Variants in TLK1 observed in about 807,000 individuals in gnomAD.
TLK1 encodes the protein serine/threonine-protein kinase tousled-like 1.
Under a neutral mutation model 105.3 loss-of-function variants are expected in TLK1, and 24 were observed. That is an observed-to-expected ratio of 0.23 (90% CI 0.17 to 0.32). TLK1 has a LOEUF of 0.32. Ranked by LOEUF, TLK1 falls within the 10% of genes least tolerant of loss-of-function variation. The pLI, the probability that TLK1 is intolerant of heterozygous loss-of-function variation, is 1.00. For missense variants in TLK1, 558 were observed against 910.5 expected (o/e 0.61, Z 4.98); for synonymous variants, 321 against 310.4 (o/e 1.03, Z -0.36).
intron 1 of TLK1, among the ~76,000 whole-genome samples, chr2:171,230,151 A>G (rs1349832416): frequency 6.6e-6 from 1 of 152,250 alleles, no homozygotes; most frequent in Non-Finnish European, 1.5e-5. Context: ...AATACATTAA[A>G]TGACACTTCA....
At chr2:171,047,206 T>G (rs1488395867) in intron 10 of TLK1, among the ~76,000 whole-genome samples, 1 of 152,196 alleles carries the variant, frequency 6.6e-6, no homozygotes, top group African/African-American at 2.4e-5. Context: ...AAATGTAGAT[T>G]AGATATTTTA....
intron 13 of TLK1, among the ~76,000 whole-genome samples, chr2:171,013,344 T>TTTTTTGG (rs1685019414): frequency 7.0e-6 from 1 of 142,714 alleles, no homozygotes; most frequent in African/African-American, 2.8e-5. Context: ...TTTTTTTTTT[T>TTTTTTGG]GGAGACAAAG....
At chr2:171,005,676 T>G (rs1265969774) in intron 18 of TLK1, among the ~76,000 whole-genome samples, 1 of 152,148 alleles carries the variant, frequency 6.6e-6, no homozygotes, top group Non-Finnish European at 1.5e-5. Flanking sequence ...GAGGCTGCAA[T>G]GAACTAAGAT....
chr2:171,210,339 A>T (rs1244141843), intron 1 of TLK1, among the ~76,000 whole-genome samples: 2 of 151,828 alleles, frequency 1.3e-5, no homozygotes, highest in African/African-American at 4.8e-5. Context: ...ATGCGGCTAT[A>T]GGAGAGAATG....
At position 171,175,380 on chromosome 2, in the gene TLK1, C is replaced by T. The variant is rs182590572; in HGVS notation, c.-6+55765G>A. Among the ~76,000 whole-genome samples the T allele has an allele frequency of 3.7e-3, 555 of 151,520 alleles. 6 individuals carry two copies. Among genetic ancestry groups the T allele is most frequent in the African/African-American group, 0.012 (513 of 41,358 alleles). On this transcript the variant is annotated intron_variant, in intron 1 of 20. Transcript: ENST00000521943. ...CAGACTTTTCTTTTTTGTCATTATTCCCTAAACAATACTGTATAGCAACTA... is the reference window on the plus strand; with the variant it reads ...CAGACTTTTCTTTTTTGTCATTATTTCCTAAACAATACTGTATAGCAACTA...
chr2:170,999,712 AG>A (rs1265081629), intron 18 of TLK1, among the ~76,000 whole-genome samples: 1 of 152,192 alleles, frequency 6.6e-6, no homozygotes, highest in Non-Finnish European at 1.5e-5. Context: ...TGAACAATAT[AG>A]GGGTTGGAGG....
intron 2 of TLK1, chr2:171,091,678 G>A (rs1689236333): frequency 6.6e-6 from 1 of 152,232 alleles, no homozygotes; most frequent in Non-Finnish European, 1.5e-5. Context: ...AATCTCAAAG[G>A]AATGATATAA....
At chr2:171,056,302 C>T (rs1025120349) in intron 6 of TLK1, among the ~76,000 whole-genome samples, 169 bp downstream of exon 6, 1 of 151,906 alleles carries the variant, frequency 6.6e-6, no homozygotes, top group Admixed American at 6.6e-5. Context: ...TCCAATAGCA[C>T]CAGATAACTT....
At chr2:171,035,159 G>A (rs541527657) in intron 11 of TLK1, among the ~76,000 whole-genome samples, 2 of 152,098 alleles carry the variant, frequency 1.3e-5, no homozygotes, top group Non-Finnish European at 2.9e-5. Flanking sequence ...TGCCCAACAT[G>A]GTGAAACCTC....
intron 1 of TLK1, chr2:171,155,756 T>C (rs1157273682): frequency 6.6e-6 from 1 of 152,214 alleles, no homozygotes; most frequent in Non-Finnish European, 1.5e-5. Context: ...AGTTCCATTG[T>C]TGCTCCACTG....
At chr2:171,111,940 G>A (rs1429218964) in intron 2 of TLK1, among the ~76,000 whole-genome samples, 2 of 134,054 alleles carry the variant, frequency 1.5e-5, no homozygotes, top group Non-Finnish European at 3.2e-5. Context: ...TCCAATAAAT[G>A]GTAGGGTTTT....
intron 1 of TLK1, among the ~76,000 whole-genome samples, chr2:171,140,214 T>G (rs1691516881): frequency 6.6e-6 from 1 of 152,092 alleles, no homozygotes; most frequent in Admixed American, 6.6e-5. Context: ...TCAAAGCCAA[T>G]TAAAGAATTA....
chr2:171,054,356 T>C (rs926679463), intron 7 of TLK1: 3 of 152,318 alleles, frequency 2.0e-5, no homozygotes, highest in Admixed American at 6.5e-5. Flanking sequence ...TGATGTATAA[T>C]AGTTCCCTTG....
At chr2:171,078,657 A>G (rs1489133418) in intron 3 of TLK1, among the ~76,000 whole-genome samples, 1 of 152,244 alleles carries the variant, frequency 6.6e-6, no homozygotes, top group African/African-American at 2.4e-5. Context: ...TGAGAACCAC[A>G]GCCTTGGGTG....
chr2:171,000,880 C>T (rs1453485396), intron 18 of TLK1, among the ~76,000 whole-genome samples: 1 of 152,146 alleles, frequency 6.6e-6, no homozygotes, highest in Non-Finnish European at 1.5e-5. Context: ...GGCAGTGCCT[C>T]TTCTACTACT....
chr2:171,187,276 A>G (rs1476142203), intron 1 of TLK1, among the ~76,000 whole-genome samples: 1 of 151,966 alleles, frequency 6.6e-6, no homozygotes, highest in Non-Finnish European at 1.5e-5. Flanking sequence ...AGCTTCCTCA[A>G]TTTAGCATTA....
chr2:171,203,771 C>T (rs1023817234), intron 1 of TLK1, among the ~76,000 whole-genome samples: 10 of 152,050 alleles, frequency 6.6e-5, no homozygotes, highest in Non-Finnish European at 1.2e-4. Flanking sequence ...AAAGATGGGC[C>T]GTGTGCAGTG....
chr2:171,115,889 T>C (rs1469674019), intron 2 of TLK1, among the ~76,000 whole-genome samples: 3 of 152,248 alleles, frequency 2.0e-5, no homozygotes, highest in African/African-American at 7.2e-5. Context: ...CTTTCATCTT[T>C]TATGTTTGTG....
chr2:171,139,426 T>G (rs895039079), intron 1 of TLK1, among the ~76,000 whole-genome samples: 7 of 151,880 alleles, frequency 4.6e-5, no homozygotes, highest in African/African-American at 1.5e-4. Flanking sequence ...GGCGAAACCC[T>G]GTCTTTACTA....
Sources: gnomAD v4.1 joint callset for allele counts (sites outside exome capture counted in the v4.1 genomes callset) on GRCh38, gnomAD v4.1.1 for gene constraint, MANE v1.5 for transcripts, NCBI Gene and HGNC (gene_info 2026-07-23, HGNC 2026-07-21) for gene names.